SGCD: variants seen among roughly 807,000 people sequenced by gnomAD.
The protein encoded by SGCD is sarcoglycan delta.
SGCD carries 18 observed loss-of-function variants against 36.6 expected under a neutral mutation model. The observed-to-expected ratio is 0.49, with a 90% confidence interval of 0.34 to 0.73. SGCD has a LOEUF of 0.73. Among genes scored for constraint, SGCD ranks in the 30% least tolerant of loss-of-function variants. The pLI is 0.01. For missense variants in SGCD, 387 were observed against 346.7 expected, an observed-to-expected ratio of 1.12 and a Z score of -0.92; for synonymous variants, 133 against 130.6, an observed-to-expected ratio of 1.02 and a Z score of -0.12.
At chr5:156,493,444 A>G (rs1756035155) in intron 3 of SGCD, among the ~76,000 whole-genome samples, 1 of 152,114 alleles carries the variant, frequency 6.6e-6, no homozygotes, top group Admixed American at 6.5e-5. Flanking sequence ...CACTATCCCA[A>G]ATAAGGTTTA....
At chr5:156,553,558 T>A (rs1011835648) in intron 4 of SGCD, among the ~76,000 whole-genome samples, 1 of 152,166 alleles carries the variant, frequency 6.6e-6, no homozygotes, top group Non-Finnish European at 1.5e-5. Context: ...CACTGCCTAA[T>A]TCCAGAATAT....
intron 1 of SGCD, among the ~76,000 whole-genome samples, chr5:156,080,133 C>A (rs1028087169): frequency 2.0e-5 from 3 of 152,232 alleles, no homozygotes; most frequent in African/African-American, 7.2e-5. Context: ...CTTGCACCCT[C>A]TAAAGCAGTT....
intron 3 of SGCD, among the ~76,000 whole-genome samples, chr5:156,276,844 G>A (rs1766330573): frequency 6.6e-6 from 1 of 152,030 alleles, no homozygotes; most frequent in Non-Finnish European, 1.5e-5. Context: ...ATAATCCAAA[G>A]CATAAATGTA....
At chr5:156,742,066 G>A (rs759496544) in intron 7 of SGCD, among the ~76,000 whole-genome samples, 3 of 152,012 alleles carry the variant, frequency 2.0e-5, no homozygotes, top group Non-Finnish European at 2.9e-5. Context: ...TAGTAGAGAC[G>A]GGGTTTCACC....
In SGCD at chr5:156,420,229, GCT is replaced by G. The variant is rs1296021900; in HGVS notation, c.192+75557_192+75558del. On this transcript the variant is annotated intron_variant, in intron 3 of 8. Transcript: ENST00000337851. ...GCAGTAAGTTTAGAACACTGATGGA[GCT>G]CTCTTTCTGGTTTGAATGGAGTCAG... Among the ~76,000 whole-genome samples, 7 of 152,216 alleles carry G rather than the reference GCT, an allele frequency of 4.6e-5. No homozygotes were observed. In the East Asian group the frequency reaches 1.3e-3, roughly 29 times the overall value.
chr5:156,718,858 C>T (rs1036443497), intron 7 of SGCD, among the ~76,000 whole-genome samples: 2 of 150,486 alleles, frequency 1.3e-5, no homozygotes, highest in Non-Finnish European at 3.0e-5. Flanking sequence ...TTGGTACATG[C>T]CTGTAGTCCC....
Position 156,757,599 on chromosome 5 carries a change from G to A in SGCD, c.594G>A (p.Arg198=), listed in dbSNP as rs754875886. 6.2e-7 allele frequency: 1 copy of A among 1,610,130 alleles called. No homozygotes were observed. Among genetic ancestry groups the A allele is most frequent in the Non-Finnish European group, 8.5e-7 (1 of 1,177,984 alleles). The part of the protein sequence containing the change: ...FKELRLESPT[R]SLVMEAPKGV... Reference sequence around the variant, plus strand: ...TTTTCAGGTTGGAGTCCCCAACCCGGTCTCTAGTGATGGAGGCCCCAAAAG... The same window carrying A: ...TTTTCAGGTTGGAGTCCCCAACCCGATCTCTAGTGATGGAGGCCCCAAAAG... The change falls in exon 8 of 9, where the codon CGG becomes CGA. Residue 198 remains arginine (R), a synonymous_variant. Coordinates refer to ENST00000337851, the MANE Select transcript of SGCD (RefSeq NM_000337.6).
chr5:155,833,180 A>G, the SGCD span, among the ~76,000 whole-genome samples: 1 of 152,004 alleles, frequency 6.6e-6, no homozygotes, highest in Admixed American at 6.6e-5. Context: ...CAGTGAGCTG[A>G]GATCGCACCA....
chr5:156,581,076 A>G (rs112142363), intron 4 of SGCD, among the ~76,000 whole-genome samples: 3 of 152,090 alleles, frequency 2.0e-5, no homozygotes, highest in African/African-American at 7.2e-5. Context: ...TGACCTTCAG[A>G]TGGGGTTTTG....
chr5:156,574,695 G>T (rs1011669999), intron 4 of SGCD, among the ~76,000 whole-genome samples: 2 of 152,056 alleles, frequency 1.3e-5, no homozygotes, highest in Non-Finnish European at 2.9e-5. Context: ...CATTAGACTA[G>T]GCATATTTCC....
chr5:156,325,688 C>T (rs921742613), upstream of SGCD, among the ~76,000 whole-genome samples: 11 of 152,288 alleles, frequency 7.2e-5, no homozygotes, highest in Admixed American at 2.6e-4. Context: ...GTCTTTAAAA[C>T]CCTGGACAAG....
chr5:156,741,793 A>G (rs1242719893), intron 7 of SGCD, among the ~76,000 whole-genome samples: 1 of 152,174 alleles, frequency 6.6e-6, no homozygotes, highest in African/African-American at 2.4e-5. Flanking sequence ...CAGTTCCTCA[A>G]TTGCACCTTC....
At chr5:156,503,505 G>A (rs374360234) in intron 3 of SGCD, among the ~76,000 whole-genome samples, 28 of 152,200 alleles carry the variant, frequency 1.8e-4, no homozygotes, top group African/African-American at 5.8e-4. Flanking sequence ...AAATCAAAGT[G>A]ACATTAATAA....
the SGCD span, among the ~76,000 whole-genome samples, chr5:155,744,977 C>T: frequency 6.6e-6 from 1 of 152,306 alleles, no homozygotes; most frequent in Non-Finnish European, 1.5e-5. Flanking sequence ...GTCTTAGAAG[C>T]ATTCAGAGAG....
intron 3 of SGCD, among the ~76,000 whole-genome samples, chr5:156,285,073 A>G (rs541107447): frequency 3.0e-4 from 46 of 152,328 alleles, no homozygotes; most frequent in African/African-American, 1.1e-3. Flanking sequence ...CCCATTCACA[A>G]TTGCTTCAAA....
intron 1 of SGCD, among the ~76,000 whole-genome samples, chr5:156,072,669 T>C (rs372176881): frequency 7.0e-4 from 106 of 152,328 alleles, no homozygotes; most frequent in African/African-American, 2.5e-3. Flanking sequence ...TGAATCTGAA[T>C]GTTGGCCTGC....
chr5:156,458,943 G>A (rs1298673878), intron 3 of SGCD, among the ~76,000 whole-genome samples: 1 of 152,098 alleles, frequency 6.6e-6, no homozygotes, highest in Non-Finnish European at 1.5e-5. Context: ...GCTAAAGATA[G>A]GTTTCTTTTT....
chr5:156,456,549 A>G (rs1354449363), intron 3 of SGCD, among the ~76,000 whole-genome samples: 1 of 152,210 alleles, frequency 6.6e-6, no homozygotes, highest in Non-Finnish European at 1.5e-5. Context: ...GAAAGAGTTT[A>G]GAAGTCTCAG....
At chr5:156,458,926 T>G (rs1754368043) in intron 3 of SGCD, among the ~76,000 whole-genome samples, 1 of 152,238 alleles carries the variant, frequency 6.6e-6, no homozygotes, top group South Asian at 2.1e-4. Flanking sequence ...CAGGGATTTT[T>G]TTAGAGGCTA....
Sources: allele counts gnomAD v4.1 joint callset (sites outside exome capture counted in the v4.1 genomes callset), GRCh38; gene constraint gnomAD v4.1.1; transcripts MANE v1.5; gene names NCBI Gene and HGNC (gene_info 2026-07-23, HGNC 2026-07-21).